The following DCDC1 variants were observed in gnomAD, a reference collection of about 807,000 sequenced individuals.
DCDC1 encodes the protein doublecortin domain-containing protein 1.
Under a neutral mutation model 178.3 loss-of-function variants are expected in DCDC1, and 200 were observed. The ratio of observed to expected loss-of-function variants is 1.12; its 90% CI spans 1.00 to 1.26. The LOEUF (loss-of-function observed/expected upper bound fraction) is 1.26. Ranked by LOEUF, DCDC1 falls within the 50% of genes most tolerant of loss-of-function variation. The pLI is 0.00. For missense variants in DCDC1, 1,983 were observed against 1,749.2 expected (o/e 1.13, Z -2.38); for synonymous variants, 690 against 604.8 (o/e 1.14, Z -2.07).
At chr11:31,004,337 C>T (rs952155322) in intron 20 of DCDC1, among the ~76,000 whole-genome samples, 2 of 151,914 alleles carry the variant, frequency 1.3e-5, no homozygotes, top group African/African-American at 4.8e-5. Context: ...TCCAGAATGT[C>T]TGAATCAAAA....
At chr11:31,069,898 C>T (rs1249901852) in intron 18 of DCDC1, among the ~76,000 whole-genome samples, 1 of 152,132 alleles carries the variant, frequency 6.6e-6, no homozygotes, top group African/African-American at 2.4e-5. Context: ...TGTGGCTGAA[C>T]ATTCTGCTAG....
intron 1 of DCDC1, among the ~76,000 whole-genome samples, chr11:31,341,424 T>TAGATAGAC (rs3059725): frequency 0.039 from 5,935 of 150,442 alleles, 382 homozygotes; most frequent in African/African-American, 0.12. Context: ...GATAGATAGA[T>TAGATAGAC]AGATAGATAG....
intron 33 of DCDC1, 111 bp downstream of exon 33, chr11:30,900,235 T>C: frequency 1.0e-6 from 1 of 974,780 alleles, no homozygotes; most frequent in Non-Finnish European, 1.4e-6. Flanking sequence ...AAATGTGATG[T>C]TATTATGTTG....
chr11:30,971,603 GTTTTTTTT>G (rs71060475), intron 20 of DCDC1, among the ~76,000 whole-genome samples: 7,426 of 84,258 alleles, frequency 0.088, 215 homozygotes, highest in Middle Eastern at 0.17. Context: ...ACAGGCCTTT[GTTTTTTTT>G]TTTTTTTTTT....
intron 11 of DCDC1, among the ~76,000 whole-genome samples, chr11:31,112,219 G>A (rs7123092): frequency 0.26 from 40,004 of 151,914 alleles, 5,409 homozygotes; most frequent in African/African-American, 0.32. Context: ...TTTTCTTAAA[G>A]CTCAGCTCTA....
At chr11:31,193,516 C>T (rs1294041309) in intron 9 of DCDC1, among the ~76,000 whole-genome samples, 2 of 152,028 alleles carry the variant, frequency 1.3e-5, no homozygotes, top group Non-Finnish European at 2.9e-5. Context: ...ATGTGAAACA[C>T]TTTTGGTCCC....
chr11:31,321,289 G>C (rs1184728026), intron 3 of DCDC1, among the ~76,000 whole-genome samples: 1 of 101,332 alleles, frequency 9.9e-6, no homozygotes, highest in Non-Finnish European at 2.0e-5. Flanking sequence ...TCAGACTGCT[G>C]TGCTAGCAAT....
chr11:31,111,132 G>A (rs1242393816), intron 11 of DCDC1, among the ~76,000 whole-genome samples: 2 of 152,020 alleles, frequency 1.3e-5, no homozygotes, highest in Non-Finnish European at 2.9e-5. Context: ...AAGCAGCTGA[G>A]AGAGGGGCCT....
At chr11:31,094,909 C>T (rs751273846) in intron 15 of DCDC1, among the ~76,000 whole-genome samples, 16 of 152,094 alleles carry the variant, frequency 1.1e-4, no homozygotes, top group Non-Finnish European at 2.1e-4. Context: ...CCGTCATCTA[C>T]ATTAGGTATT....
chr11:30,914,699 C>A (rs575751955), intron 27 of DCDC1, among the ~76,000 whole-genome samples: 1 of 150,580 alleles, frequency 6.6e-6, no homozygotes, highest in East Asian at 1.9e-4. Context: ...GACCTAACAG[C>A]CATCAACATT....
intron 10 of DCDC1, 112 bp from the exon 11 acceptor site, chr11:31,127,751 T>G: frequency 1.6e-6 from 1 of 623,308 alleles, no homozygotes; most frequent in Non-Finnish European, 2.9e-6. Context: ...AATACAGGAA[T>G]TTGAGTACAG....
chr11:30,943,702 T>G, intron 21 of DCDC1: 1 of 446,032 alleles, frequency 2.2e-6, no homozygotes, highest in Non-Finnish European at 4.5e-6. Context: ...CCAAAAGAAT[T>G]TATTAATGTT....
chr11:31,216,521 G>A lies in DCDC1; in HGVS notation c.1221+24929C>T, dbSNP rs1294648708. 3.9e-5 allele frequency among the ~76,000 whole-genome samples: 6 copies of A among 152,186 alleles called. No homozygotes were observed. In the East Asian group the frequency reaches 9.7e-4, roughly 24 times the overall value. The stretch of plus-strand genomic sequence containing the variant: ...CCAAACTACTTAAGAAACCTTACCC[G>A]GCCATTTAGCCCACTGCAGACCTCA... On this transcript the variant is annotated intron_variant, in intron 9 of 38. Coordinates refer to ENST00000684477, the MANE Select transcript of DCDC1 (RefSeq NM_001387274.1).
intron 6 of DCDC1, among the ~76,000 whole-genome samples, chr11:31,305,289 C>T (rs1018451286): frequency 6.6e-6 from 1 of 152,140 alleles, no homozygotes; most frequent in Non-Finnish European, 1.5e-5. Flanking sequence ...TGAATTATGT[C>T]TGTTGAGTGT....
chr11:31,361,770 C>A (rs1470504248), intron 1 of DCDC1, among the ~76,000 whole-genome samples: 1 of 152,164 alleles, frequency 6.6e-6, no homozygotes, highest in African/African-American at 2.4e-5. Context: ...CGTGAGCCAG[C>A]GCACCCAGCC....
At chr11:31,175,266 C>T (rs957624632) in intron 9 of DCDC1, among the ~76,000 whole-genome samples, 3 of 152,198 alleles carry the variant, frequency 2.0e-5, no homozygotes, top group Admixed American at 6.5e-5. Context: ...TGGAGCCACC[C>T]ACCCAGCCAC....
chr11:31,321,634 A>G (rs1178888296), intron 3 of DCDC1, among the ~76,000 whole-genome samples: 4 of 150,864 alleles, frequency 2.7e-5, no homozygotes, highest in Non-Finnish European at 6.0e-5. Flanking sequence ...TCACGCTGGG[A>G]GCTGTAGACC....
intron 5 of DCDC1, 76 bp from the exon 6 acceptor site, chr11:31,305,853 C>A: frequency 1.3e-6 from 2 of 1,506,612 alleles, no homozygotes; most frequent in Non-Finnish European, 1.8e-6. Context: ...ACAAAAGGTT[C>A]TAATGATCAA....
At chr11:31,003,422 C>T (rs539398036) in intron 20 of DCDC1, among the ~76,000 whole-genome samples, 2 of 152,164 alleles carry the variant, frequency 1.3e-5, no homozygotes, top group East Asian at 1.9e-4. Flanking sequence ...CAAAGATAGC[C>T]ATGGTAAGTA....
Sources: allele counts gnomAD v4.1 joint callset (sites outside exome capture counted in the v4.1 genomes callset), GRCh38; gene constraint gnomAD v4.1.1; transcripts MANE v1.5; gene names NCBI Gene and HGNC (gene_info 2026-07-23, HGNC 2026-07-21).